ZSCAN20: variants seen among roughly 807,000 people sequenced by gnomAD.
ZSCAN20 encodes zinc finger and SCAN domain-containing protein 20.
In ZSCAN20, 39 loss-of-function variants were observed where a neutral mutation model predicts 97.1. The observed-to-expected ratio is 0.40, with a 90% CI of 0.31 to 0.52. The LOEUF (loss-of-function observed/expected upper bound fraction) is 0.52. ZSCAN20 is among the 20% of genes least tolerant of loss of function. The pLI is 0.49. For synonymous variants in ZSCAN20, 456 were observed against 467.3 expected, an observed-to-expected ratio of 0.98 and a Z score of 0.31; for missense variants, 1,115 against 1,290.4, an observed-to-expected ratio of 0.86 and a Z score of 2.08.
In ZSCAN20 at chr1:33,494,173, G is replaced by A. The variant is rs374692806; in HGVS notation, c.1874-45G>A. 350 of 1,509,770 alleles carry A rather than the reference G, an allele frequency of 2.3e-4. 2 individuals are homozygous for A. Among genetic ancestry groups the A allele is most frequent in the Admixed American group, 1.5e-3 (67 of 45,530 alleles). The allele number at this position is 1,509,770 out of a possible 1,614,324, so 93.5% of individuals were successfully genotyped here. ...GACACACACAAACACACACACACGCGCGCTAATGAGTGAAGAAAAACTGCA... is the reference window on the plus strand; with the variant it reads ...GACACACACAAACACACACACACGCACGCTAATGAGTGAAGAAAAACTGCA... On this transcript the variant is annotated intron_variant, in intron 7 of 7. Transcript: ENST00000684572.
At chr1:33,483,959 G>A (rs1652252820) in intron 2 of ZSCAN20, among the ~76,000 whole-genome samples, 1 of 151,948 alleles carries the variant, frequency 6.6e-6, no homozygotes, top group Admixed American at 6.5e-5. Context: ...TTTTGGATGA[G>A]AATGTAAATG....
chr1:33,478,710 G>C (rs1652026368), intron 1 of ZSCAN20, among the ~76,000 whole-genome samples: 1 of 152,086 alleles, frequency 6.6e-6, no homozygotes, highest in Non-Finnish European at 1.5e-5. Flanking sequence ...TTAAGATTAG[G>C]GAAGAAAGGC....
intron 1 of ZSCAN20, among the ~76,000 whole-genome samples, chr1:33,472,926 G>A (rs1351979763): frequency 6.6e-6 from 1 of 152,002 alleles, no homozygotes; most frequent in African/African-American, 2.4e-5. Context: ...GGCCTTAGAA[G>A]GGTCTGAAGG....
chr1:33,484,491 T>C (rs1156619379), intron 2 of ZSCAN20, among the ~76,000 whole-genome samples: 1 of 152,200 alleles, frequency 6.6e-6, no homozygotes, highest in Non-Finnish European at 1.5e-5. Flanking sequence ...ATGGGTTACA[T>C]TAATTGATTT....
chr1:33,480,321 C>T (rs1652104847), intron 2 of ZSCAN20, among the ~76,000 whole-genome samples: 1 of 152,102 alleles, frequency 6.6e-6, no homozygotes, highest in Non-Finnish European at 1.5e-5. Flanking sequence ...CCAGCCTGGG[C>T]AACATGGTGA....
chr1:33,484,649 G>C (rs1218052041), intron 2 of ZSCAN20, among the ~76,000 whole-genome samples: 1 of 132,416 alleles, frequency 7.6e-6, no homozygotes, highest in African/African-American at 2.9e-5. Flanking sequence ...CTGGAGTCTT[G>C]TTGGTTCTGT....
At chr1:33,489,691 A>G (rs1419302489) in intron 5 of ZSCAN20, 89 bp downstream of exon 5, 2 of 1,184,198 alleles carry the variant, frequency 1.7e-6, no homozygotes, top group Non-Finnish European at 1.2e-6. Flanking sequence ...TTTAAGAATC[A>G]TGGCTCTGCA....
chr1:33,489,340 G>A, intron 4 of ZSCAN20, 149 bp downstream of exon 4: 1 of 1,041,750 alleles, frequency 9.6e-7, no homozygotes, highest in East Asian at 2.6e-5. Context: ...CCAGCCTGCT[G>A]GGCCCCAAAC....
In ZSCAN20 at chr1:33,496,471, G is replaced by T. The variant is rs940173228; in HGVS notation, c.*995G>T. 6.6e-6 allele frequency: 1 copy of T among 152,128 alleles called. No individual in the cohort carries two copies. Among genetic ancestry groups the T allele is most frequent in the Non-Finnish European group, 1.5e-5 (1 of 68,020 alleles). The allele number at this position is 152,128 out of a possible 1,614,324, so 9.4% of individuals were successfully genotyped here. A position where few individuals can be genotyped will look rare whatever the true frequency, so the allele number is the denominator to read the frequency against. On this transcript the variant is annotated 3_prime_UTR_variant, in exon 8 of 8. Coordinates refer to ENST00000684572, the MANE Select transcript of ZSCAN20 (RefSeq NM_001377376.1). Reference sequence around the variant, plus strand: ...GAGTTTCCATCTTCGCAATAATATGGGTGAGAGATATAGGTGGGTTGAGAT... The same window carrying T: ...GAGTTTCCATCTTCGCAATAATATGTGTGAGAGATATAGGTGGGTTGAGAT...
In ZSCAN20 at chr1:33,497,343, C is replaced by T. The variant is rs1390621585; in HGVS notation, c.*1867C>T. 6.6e-6 allele frequency among the ~76,000 whole-genome samples: 1 copy of T among 152,132 alleles called. No individual in the cohort carries two copies. The highest frequency in any genetic ancestry group is 1.5e-5 in the Non-Finnish European group (1 of 68,026). Reference sequence around the variant, plus strand: ...ACCCTGGATAGAAGTCAGCAGATGTCAGTAACTGCAGTAATACAGTGATAT... The same window carrying T: ...ACCCTGGATAGAAGTCAGCAGATGTTAGTAACTGCAGTAATACAGTGATAT... On this transcript the variant is annotated 3_prime_UTR_variant, in exon 8 of 8. Coordinates refer to ENST00000684572, the MANE Select transcript of ZSCAN20 (RefSeq NM_001377376.1).
At chr1:33,477,520 C>T (rs922200359) in intron 1 of ZSCAN20, among the ~76,000 whole-genome samples, 2 of 151,840 alleles carry the variant, frequency 1.3e-5, no homozygotes, top group African/African-American at 4.8e-5. Context: ...GTAATCTCCT[C>T]TGGGACACAC....
In ZSCAN20 at chr1:33,490,922, C is replaced by T. The variant is rs142337543; in HGVS notation, c.767-103C>T. 2.7e-4 allele frequency: 302 copies of T among 1,123,972 alleles called. No homozygotes were observed. The African/African-American group carries it at 3.6e-3, about 13-fold the overall frequency. The allele number at this position is 1,123,972 out of a possible 1,614,324, so 69.6% of individuals were successfully genotyped here. A position where few individuals can be genotyped will look rare whatever the true frequency, so the allele number is the denominator to read the frequency against. On this transcript the variant is annotated intron_variant, in intron 5 of 7. Transcript: ENST00000684572. ...TTATGGGATCAACTTGGGAATTTCT[C>T]GTTAGCCTCTTGCAAGGAAAAGATA... is the stretch of plus-strand genomic sequence containing the variant.
chr1:33,478,364 A>C (rs1652013204), intron 1 of ZSCAN20, among the ~76,000 whole-genome samples: 1 of 151,936 alleles, frequency 6.6e-6, no homozygotes, highest in Non-Finnish European at 1.5e-5. Flanking sequence ...TGGGGATCTT[A>C]GAGAATGATG....
At chr1:33,489,073 G>A in intron 3 of ZSCAN20, 42 bp from the exon 4 acceptor site, 1 of 1,561,114 alleles carries the variant, frequency 6.4e-7, no homozygotes, top group Non-Finnish European at 8.7e-7. Flanking sequence ...TGATTTTTTG[G>A]GAACCAGAGC....
Position 33,491,131 on chromosome 1 carries a change from C to A in ZSCAN20, c.873C>A (p.Ser291Arg), listed in dbSNP as rs1445674675. 6.2e-7 allele frequency: 1 copy of A among 1,613,830 alleles called. No homozygotes were observed. Among genetic ancestry groups the A allele is most frequent in the East Asian group, 2.2e-5 (1 of 44,854 alleles). Residue 291 changes from serine to arginine, a missense_variant, in exon 6 of 8, where the codon AGC (serine) becomes AGA (arginine). Physicochemically the swap from Ser to Arg is moderately radical, Grantham distance 110. This residue lies in a region of ZSCAN20 where 508 missense variants were observed against 611.2 expected (regional missense o/e 0.83). Coordinates refer to ENST00000684572, the MANE Select transcript of ZSCAN20 (RefSeq NM_001377376.1). This position sits in a 1 kb window ranked among gnomAD's most constrained non-coding sequence, Gnocchi z 4.3. ...GGAAAAGGAGCACTGCAGATTACAG[C>A]CTGGATAATGAGCCAGCTCAGGCAT... ...NSGKRSTADY[S>R]LDNEPAQALT...
chr1:33,479,323 C>G lies in ZSCAN20; in HGVS notation c.35C>G (p.Ser12Cys). The G allele has an allele frequency of 6.2e-7, 1 of 1,612,682 alleles. No homozygotes were observed. The highest frequency in any genetic ancestry group is 8.5e-7 in the Non-Finnish European group (1 of 1,179,136). ...GCCCTGGAATTGCAAGCCCAGGCAT[C>G]TCCGCAGCCAGAGCCTGAAGAACTC... ...AMALELQAQA[S>C]PQPEPEELLI... The change falls in exon 2 of 8, where the codon TCT becomes TGT. Residue 12 changes from serine (S) to cysteine (C), a missense_variant. By Grantham distance (112) the Ser-to-Cys change is moderately radical. This residue lies in a region of ZSCAN20 where 508 missense variants were observed against 611.2 expected (regional missense o/e 0.83). Coordinates refer to ENST00000684572, the MANE Select transcript of ZSCAN20 (RefSeq NM_001377376.1).
intron 2 of ZSCAN20, among the ~76,000 whole-genome samples, chr1:33,481,771 T>G (rs1176441000): frequency 1.3e-5 from 2 of 152,230 alleles, no homozygotes; most frequent in African/African-American, 4.8e-5. Flanking sequence ...CTTTCAGCTC[T>G]GCTATTTTGT....
rs1223905069 is a variant in ZSCAN20, at chr1:33,499,043, C to T, written c.*3567C>T. 6.6e-6 allele frequency among the ~76,000 whole-genome samples: 1 copy of T among 152,198 alleles called. No homozygotes were observed. Among genetic ancestry groups the T allele is most frequent in the Non-Finnish European group, 1.5e-5 (1 of 68,030 alleles). On this transcript the variant is annotated 3_prime_UTR_variant, in exon 8 of 8. Transcript: ENST00000684572. ...AGAAGCCGAGTAAAGCAGCTAGGGTCCCTCCATGCTAAATAATGTAGTCAG... is the reference window on the plus strand; with the variant it reads ...AGAAGCCGAGTAAAGCAGCTAGGGTTCCTCCATGCTAAATAATGTAGTCAG...
At chr1:33,482,877 C>T (rs1652206148) in intron 2 of ZSCAN20, among the ~76,000 whole-genome samples, 1 of 152,194 alleles carries the variant, frequency 6.6e-6, no homozygotes, top group Non-Finnish European at 1.5e-5. Context: ...GGTGTGGTGA[C>T]TGTTAAAGTC....
Sources: gnomAD v4.1 joint callset for allele counts (sites outside exome capture counted in the v4.1 genomes callset) on GRCh38, gnomAD v4.1.1 for gene constraint, gnomAD v4.1.1 regional missense constraint, Gnocchi (gnomAD v3.1) non-coding constraint, MANE v1.5 for transcripts, NCBI Gene and HGNC (gene_info 2026-07-23, HGNC 2026-07-21) for gene names.